RBFOX1: variants seen among roughly 807,000 people sequenced by gnomAD.
The protein encoded by RBFOX1 is RNA binding protein fox-1 homolog 1.
In RBFOX1, 8 loss-of-function variants were observed where a neutral mutation model predicts 57.7. The ratio of observed to expected loss-of-function variants is 0.14; its 90% CI spans 0.08 to 0.25. RBFOX1 has a LOEUF of 0.25. Ranked by LOEUF, RBFOX1 falls within the 10% of genes least tolerant of loss-of-function variation. The pLI is 1.00. For synonymous variants in RBFOX1, 326 were observed against 222.4 expected (o/e 1.47, Z -4.15); for missense variants, 611 against 548.5 (o/e 1.11, Z -1.14).
intron 2 of RBFOX1, among the ~76,000 whole-genome samples, chr16:6,343,290 C>G (rs2084851694): frequency 6.6e-6 from 1 of 152,184 alleles, no homozygotes; most frequent in African/African-American, 2.4e-5. Flanking sequence ...GTGTCTTCCC[C>G]TACCCTGGTG....
At position 6,441,914 on chromosome 16, in the gene RBFOX1, G is replaced by A. The variant is rs529858653; in HGVS notation, c.-64+124857G>A. On this transcript the variant is annotated intron_variant, in intron 2 of 15. Coordinates refer to ENST00000550418, the MANE Select transcript of RBFOX1 (RefSeq NM_018723.4). ...CTCAGGCAGCAGTGGTCAGCGTGGC[G>A]GGAGGGTCTTCCTAATTTGCTATTA... 5.3e-4 allele frequency among the ~76,000 whole-genome samples: 81 copies of A among 152,232 alleles called. 1 individual carries two copies. Among genetic ancestry groups the A allele is most frequent in the African/African-American group, 1.8e-3 (75 of 41,536 alleles).
intron 4 of RBFOX1, among the ~76,000 whole-genome samples, chr16:7,196,366 C>G (rs750625832): frequency 6.6e-6 from 1 of 152,132 alleles, no homozygotes; most frequent in African/African-American, 2.4e-5. Context: ...CTGCTTCACT[C>G]CCCCTCTCCC....
intron 11 of RBFOX1, among the ~76,000 whole-genome samples, chr16:7,649,897 G>C (rs555545340): frequency 3.3e-5 from 5 of 152,024 alleles, no homozygotes; most frequent in Admixed American, 1.3e-4. Context: ...AAATTCCAAA[G>C]TGACTGAAAG....
chr16:5,710,344 T>C (rs2051439433), intron 3 of RBFOX1, among the ~76,000 whole-genome samples: 1 of 152,178 alleles, frequency 6.6e-6, no homozygotes, highest in Admixed American at 6.5e-5. Context: ...CTCTGTTAAA[T>C]GTAGGGATGG....
At chr16:5,374,179 C>A (rs546145897) in intron 1 of RBFOX1, among the ~76,000 whole-genome samples, 1 of 152,380 alleles carries the variant, frequency 6.6e-6, no homozygotes, top group African/African-American at 2.4e-5. Context: ...CTCAGCTGTT[C>A]CACCCACCTC....
At chr16:6,642,020 A>G (rs980433212) in intron 2 of RBFOX1, among the ~76,000 whole-genome samples, 1 of 152,128 alleles carries the variant, frequency 6.6e-6, no homozygotes, top group African/African-American at 2.4e-5. Context: ...CTGACCACCA[A>G]ATTAGAACAA....
At chr16:5,434,432 C>G (rs7200967) in intron 1 of RBFOX1, among the ~76,000 whole-genome samples, 4,957 of 149,446 alleles carry the variant, frequency 0.033, 244 homozygotes, top group African/African-American at 0.11. Context: ...AGCGATTTTC[C>G]TGCCTTAGCC....
At chr16:5,454,759 C>CTTTTCTTTTCT (rs1555523992) in intron 1 of RBFOX1, among the ~76,000 whole-genome samples, 8 of 75,950 alleles carry the variant, frequency 1.1e-4, no homozygotes, top group African/African-American at 4.1e-4. Context: ...CTTTTCTTTT[C>CTTTTCTTTTCT]TTTCTTTCTC....
intron 1 of RBFOX1, among the ~76,000 whole-genome samples, chr16:5,333,770 G>A (rs1261921083): frequency 6.6e-6 from 1 of 152,186 alleles, no homozygotes; most frequent in Non-Finnish European, 1.5e-5. Context: ...CTCCTAGGCT[G>A]CAAACCTCTA....
intron 4 of RBFOX1, among the ~76,000 whole-genome samples, chr16:7,350,030 T>G (rs1439547212): frequency 6.6e-6 from 1 of 152,078 alleles, no homozygotes; most frequent in Non-Finnish European, 1.5e-5. Flanking sequence ...GCCTGTAGTT[T>G]CAGTTCCTTG....
intron 3 of RBFOX1, among the ~76,000 whole-genome samples, chr16:6,934,477 C>A (rs756534235): frequency 6.6e-6 from 1 of 152,164 alleles, no homozygotes; most frequent in African/African-American, 2.4e-5. Context: ...ATCAACCTAA[C>A]TGTCCATCAG....
At chr16:7,088,468 G>A (rs1239202823) in intron 4 of RBFOX1, among the ~76,000 whole-genome samples, 1 of 152,060 alleles carries the variant, frequency 6.6e-6, no homozygotes, top group Non-Finnish European at 1.5e-5. Context: ...TATTTTACAA[G>A]ATTGGTCTTG....
At chr16:7,669,275 A>G (rs2070557575) in intron 13 of RBFOX1, among the ~76,000 whole-genome samples, 1 of 149,322 alleles carries the variant, frequency 6.7e-6, no homozygotes. Context: ...TAACTGAACC[A>G]AGACATCTGT....
intron 1 of RBFOX1, among the ~76,000 whole-genome samples, chr16:5,444,344 A>G (rs2068176723): frequency 6.6e-6 from 1 of 152,350 alleles, no homozygotes; most frequent in East Asian, 1.9e-4. Flanking sequence ...TCAGTGGGTC[A>G]TAAATTTCAC....
chr16:6,971,969 C>T (rs1372149617), intron 3 of RBFOX1, among the ~76,000 whole-genome samples: 3 of 152,008 alleles, frequency 2.0e-5, no homozygotes, highest in African/African-American at 4.8e-5. Context: ...GCATGGAGTC[C>T]GTGCCACAGG....
chr16:7,002,160 C>G (rs894319267), intron 3 of RBFOX1, among the ~76,000 whole-genome samples: 1 of 151,932 alleles, frequency 6.6e-6, no homozygotes, highest in Non-Finnish European at 1.5e-5. Context: ...TTGTGGCCAT[C>G]CACCTCTCAG....
At chr16:6,549,893 A>C (rs1243677283) in intron 2 of RBFOX1, among the ~76,000 whole-genome samples, 1 of 152,130 alleles carries the variant, frequency 6.6e-6, no homozygotes, top group Non-Finnish European at 1.5e-5. Context: ...ACCCTTACGT[A>C]CTTTGACTAC....
chr16:7,112,468 A>G (rs1599826586), intron 4 of RBFOX1, among the ~76,000 whole-genome samples: 1 of 151,710 alleles, frequency 6.6e-6, no homozygotes, highest in African/African-American at 2.4e-5. Flanking sequence ...CAGCCTCCCA[A>G]AGATTTGGGA....
At chr16:7,185,510 T>C (rs975007079) in intron 4 of RBFOX1, among the ~76,000 whole-genome samples, 3 of 152,192 alleles carry the variant, frequency 2.0e-5, no homozygotes, top group Admixed American at 6.5e-5. Context: ...TAATAATTCT[T>C]ATGATAACAT....
Sources: allele counts gnomAD v4.1 joint callset (sites outside exome capture counted in the v4.1 genomes callset), GRCh38; gene constraint gnomAD v4.1.1; transcripts MANE v1.5; gene names NCBI Gene and HGNC (gene_info 2026-07-23, HGNC 2026-07-21).